GALNT13: variants seen among roughly 807,000 people sequenced by gnomAD.
GALNT13 encodes polypeptide N-acetylgalactosaminyltransferase 13, also known as UDP-GalNAc:polypeptide N-acetylgalactosaminyltransferase 13.
GALNT13 carries 28 observed loss-of-function variants against 64.2 expected under a neutral mutation model. The ratio of observed to expected loss-of-function variants is 0.44; its 90% CI spans 0.32 to 0.60. GALNT13 has a LOEUF of 0.60. Among genes scored for constraint, GALNT13 ranks in the 20% least tolerant of loss-of-function variants. The pLI, the probability that GALNT13 is intolerant of heterozygous loss-of-function variation, is 0.05. For missense variants in GALNT13, 577 were observed against 669.8 expected (o/e 0.86, Z 1.53); for synonymous variants, 214 against 224.6 (o/e 0.95, Z 0.42).
the GALNT13 span, among the ~76,000 whole-genome samples, chr2:153,530,329 C>T: frequency 1.3e-5 from 2 of 151,628 alleles, no homozygotes; most frequent in African/African-American, 4.8e-5. Flanking sequence ...TGAAAAATAT[C>T]TATAATGAAA....
At chr2:153,726,603 G>A in the GALNT13 span, among the ~76,000 whole-genome samples, 6 of 151,980 alleles carry the variant, frequency 3.9e-5, no homozygotes, top group Non-Finnish European at 7.4e-5. Flanking sequence ...AGATATGTAC[G>A]AATAAACCAC....
the GALNT13 span, among the ~76,000 whole-genome samples, chr2:153,149,924 G>T: frequency 2.6e-4 from 39 of 151,788 alleles, no homozygotes; most frequent in African/African-American, 6.0e-4. Context: ...AATGGCAGGG[G>T]TTTTTTTTGC....
the GALNT13 span, among the ~76,000 whole-genome samples, chr2:153,336,737 G>T: frequency 6.6e-6 from 1 of 152,244 alleles, no homozygotes; most frequent in Admixed American, 6.5e-5. Context: ...GGGAAGGCAT[G>T]ATTGGTTTTA....
intron 3 of GALNT13, among the ~76,000 whole-genome samples, chr2:154,112,549 T>C (rs2105493881): frequency 6.6e-6 from 1 of 152,364 alleles, no homozygotes; most frequent in African/African-American, 2.4e-5. Flanking sequence ...CCTATCATGC[T>C]TCTTCCATGT....
At chr2:153,688,871 G>T in the GALNT13 span, among the ~76,000 whole-genome samples, 6 of 151,882 alleles carry the variant, frequency 4.0e-5, no homozygotes, top group African/African-American at 1.5e-4. Context: ...CCCAGTTTTA[G>T]TGTCTGTTAT....
the GALNT13 span, among the ~76,000 whole-genome samples, chr2:153,728,317 C>T: frequency 3.9e-5 from 6 of 152,246 alleles, no homozygotes; most frequent in African/African-American, 1.4e-4. Flanking sequence ...GAGGAATCAC[C>T]ACACTGTCTT....
At chr2:153,113,551 G>A in the GALNT13 span, among the ~76,000 whole-genome samples, 1 of 151,996 alleles carries the variant, frequency 6.6e-6, no homozygotes, top group Non-Finnish European at 1.5e-5. Flanking sequence ...ACTGAATCCT[G>A]TGAAAATCAG....
chr2:153,909,788 A>G lies in GALNT13; in HGVS notation c.-105+8781A>G, dbSNP rs532115200. Among the ~76,000 whole-genome samples the G allele has an allele frequency of 1.4e-4, 21 of 152,190 alleles. No homozygotes were observed. The East Asian group carries it at 4.1e-3, about 29-fold the overall frequency. Reference sequence around the variant, plus strand: ...TTCCAGGGATAAAGCCTACTTGATCATGGTGGATTAGCTTTTTGATGGCAC... The same window carrying G: ...TTCCAGGGATAAAGCCTACTTGATCGTGGTGGATTAGCTTTTTGATGGCAC... On this transcript the variant is annotated intron_variant, in intron 2 of 12. Transcript: ENST00000392825.
chr2:153,543,903 G>A, the GALNT13 span, among the ~76,000 whole-genome samples: 1 of 152,106 alleles, frequency 6.6e-6, no homozygotes, highest in Non-Finnish European at 1.5e-5. Context: ...CTCCCTGGAG[G>A]CGTTCATTAG....
At chr2:153,787,590 G>A in the GALNT13 span, among the ~76,000 whole-genome samples, 2 of 152,142 alleles carry the variant, frequency 1.3e-5, no homozygotes, top group African/African-American at 4.8e-5. Context: ...TTCTTAACTA[G>A]GGTGAGTTTG....
At chr2:153,380,981 C>T in the GALNT13 span, among the ~76,000 whole-genome samples, 2 of 152,020 alleles carry the variant, frequency 1.3e-5, no homozygotes, top group African/African-American at 2.4e-5. Flanking sequence ...TTCTGTCACC[C>T]AGGCTGGAGT....
the GALNT13 span, among the ~76,000 whole-genome samples, chr2:153,117,163 C>T: frequency 2.6e-3 from 395 of 152,164 alleles, 1 homozygote; most frequent in African/African-American, 9.1e-3. Context: ...CAGAGGAGCA[C>T]AGTTAAAGGT....
the GALNT13 span, among the ~76,000 whole-genome samples, chr2:153,498,200 G>C: frequency 6.6e-6 from 1 of 152,198 alleles, no homozygotes; most frequent in East Asian, 1.9e-4. Context: ...ACTCTTAAAA[G>C]ATACAACCTT....
At chr2:153,391,123 A>G in the GALNT13 span, among the ~76,000 whole-genome samples, 1 of 152,156 alleles carries the variant, frequency 6.6e-6, no homozygotes, top group South Asian at 2.1e-4. Context: ...GGGTGGGGTC[A>G]TATAAAGACT....
intron 8 of GALNT13, among the ~76,000 whole-genome samples, chr2:154,273,938 T>G (rs1691494829): frequency 6.6e-6 from 1 of 152,140 alleles, no homozygotes; most frequent in South Asian, 2.1e-4. Flanking sequence ...TTTACAAGTA[T>G]TGTTATAATG....
intron 3 of GALNT13, among the ~76,000 whole-genome samples, chr2:154,068,166 CATCTCATCTCAG>C (rs979327963): frequency 1.5e-4 from 23 of 151,936 alleles, no homozygotes; most frequent in Non-Finnish European, 7.4e-5. Flanking sequence ...AATGAGATGT[CATCTCATCTCAG>C]TTAAAATTAC....
the GALNT13 span, among the ~76,000 whole-genome samples, chr2:153,467,228 A>C: frequency 6.6e-6 from 1 of 152,054 alleles, no homozygotes; most frequent in Non-Finnish European, 1.5e-5. Context: ...GTAAGGGGCT[A>C]TATAATTGGA....
At chr2:153,097,980 C>T in the GALNT13 span, among the ~76,000 whole-genome samples, 5 of 152,116 alleles carry the variant, frequency 3.3e-5, no homozygotes, top group African/African-American at 9.7e-5. Flanking sequence ...GCAAGGGAAT[C>T]GCTTGAACCC....
At chr2:154,115,489 C>T (rs560910710) in intron 3 of GALNT13, among the ~76,000 whole-genome samples, 40 of 152,050 alleles carry the variant, frequency 2.6e-4, no homozygotes, top group Non-Finnish European at 4.9e-4. Flanking sequence ...GGCACAATCC[C>T]AGCTCACTGC....
Sources: allele counts gnomAD v4.1 joint callset (sites outside exome capture counted in the v4.1 genomes callset), GRCh38; gene constraint gnomAD v4.1.1; transcripts MANE v1.5; gene names NCBI Gene and HGNC (gene_info 2026-07-23, HGNC 2026-07-21).